MEF2C: variants seen among roughly 807,000 people sequenced by gnomAD.
MEF2C encodes myocyte-specific enhancer factor 2C.
A neutral mutation model predicts 50.5 loss-of-function variants in MEF2C; 6 were observed. That is an observed-to-expected ratio of 0.12 (90% CI 0.07 to 0.23). The LOEUF (loss-of-function observed/expected upper bound fraction) is 0.23. Among genes scored for constraint, MEF2C ranks in the 10% least tolerant of loss-of-function variants. MEF2C has a pLI of 1.00. For synonymous variants in MEF2C, 183 were observed against 228.0 expected (o/e 0.80, Z 1.78); for missense variants, 276 against 605.0 (o/e 0.46, Z 5.70).
chr5:88,892,132 C>T (rs1032979009), intron 1 of MEF2C: 1 of 152,098 alleles, frequency 6.6e-6, no homozygotes, highest in Non-Finnish European at 1.5e-5. Context: ...TCCCTAAAAT[C>T]CAGTATCCTT....
At position 88,854,358 on chromosome 5, in the gene MEF2C, G is replaced by A. The variant is rs140296785; in HGVS notation, c.-143+28597C>T. Among the ~76,000 whole-genome samples the A allele has an allele frequency of 4.4e-3, 667 of 152,188 alleles. 7 individuals are homozygous for A. The highest frequency in any genetic ancestry group is 0.015 in the African/African-American group (633 of 41,522). On this transcript the variant is annotated intron_variant, in intron 1 of 10. Transcript: ENST00000504921. ...TCAGGAAGTATATCCTGAATAGAAAGGTGAATAAAACTTAACCTCTGCACA... is the reference window on the plus strand; with the variant it reads ...TCAGGAAGTATATCCTGAATAGAAAAGTGAATAAAACTTAACCTCTGCACA...
At chr5:88,771,196 A>G (rs1209840087) in intron 3 of MEF2C, among the ~76,000 whole-genome samples, 72 of 152,344 alleles carry the variant, frequency 4.7e-4, no homozygotes, top group Non-Finnish European at 3.1e-4. Flanking sequence ...GGGGACTGTA[A>G]CAATTCAAGG....
intron 1 of MEF2C, among the ~76,000 whole-genome samples, chr5:88,865,564 G>T (rs945688819): frequency 4.6e-5 from 7 of 152,112 alleles, no homozygotes; most frequent in African/African-American, 1.7e-4. Flanking sequence ...ATTATTTCCT[G>T]CATATTTACA....
intron 3 of MEF2C, chr5:88,772,907 G>T (rs1783033795): frequency 2.0e-6 from 2 of 985,322 alleles, no homozygotes; most frequent in Non-Finnish European, 2.4e-6. Flanking sequence ...CTAATTGAGG[G>T]TTTTGCCTGA....
chr5:88,898,080 A>C (rs1835296146), intron 1 of MEF2C, among the ~76,000 whole-genome samples: 1 of 152,132 alleles, frequency 6.6e-6, no homozygotes, highest in Non-Finnish European at 1.5e-5. Flanking sequence ...CTCTAATGCC[A>C]TAATTTTTTT....
At chr5:88,813,293 A>C (rs1803690960) in intron 2 of MEF2C, among the ~76,000 whole-genome samples, 1 of 152,176 alleles carries the variant, frequency 6.6e-6, no homozygotes, top group South Asian at 2.1e-4. Flanking sequence ...AGAATAAAAA[A>C]AGGTGGCCCT....
intron 6 of MEF2C, chr5:88,737,746 T>C (rs972359804): frequency 1.3e-5 from 13 of 985,240 alleles, no homozygotes; most frequent in Non-Finnish European, 3.6e-6. Flanking sequence ...GATGAAACAA[T>C]GGATCTTGAA....
intron 2 of MEF2C, among the ~76,000 whole-genome samples, chr5:88,813,099 A>C (rs1803582634): frequency 6.6e-6 from 1 of 152,174 alleles, no homozygotes; most frequent in South Asian, 2.1e-4. Flanking sequence ...AATCAAAGCT[A>C]CTTTTGTATA....
chr5:88,764,386 C>T (rs1177637941), intron 3 of MEF2C, among the ~76,000 whole-genome samples: 2 of 152,198 alleles, frequency 1.3e-5, no homozygotes, highest in African/African-American at 2.4e-5. Flanking sequence ...GTATTTGCCT[C>T]CTGCCTGGAG....
intron 3 of MEF2C, among the ~76,000 whole-genome samples, chr5:88,779,553 C>T (rs572793663): frequency 2.0e-5 from 3 of 151,946 alleles, no homozygotes; most frequent in Non-Finnish European, 2.9e-5. Flanking sequence ...AACTGCCAGT[C>T]TCACATTAAC....
At chr5:88,901,638 A>C (rs1835661188) in intron 1 of MEF2C, among the ~76,000 whole-genome samples, 1 of 151,938 alleles carries the variant, frequency 6.6e-6, no homozygotes, top group Non-Finnish European at 1.5e-5. Flanking sequence ...AAATATTTAG[A>C]GCAGGTGTAA....
intron 4 of MEF2C, among the ~76,000 whole-genome samples, chr5:88,755,657 T>G (rs933466999): frequency 1.3e-5 from 2 of 152,236 alleles, no homozygotes; most frequent in Non-Finnish European, 2.9e-5. Flanking sequence ...TAAAGCCATC[T>G]CTGGGCTACA....
intron 6 of MEF2C, chr5:88,747,917 G>T: frequency 2.8e-6 from 1 of 352,306 alleles, no homozygotes; most frequent in Non-Finnish European, 4.0e-6. Flanking sequence ...AGTATTTTTT[G>T]AGGGAAAAAA....
rs928490642 is a variant in MEF2C at position 88,883,003 on chromosome 5, A to G, written c.-191T>C. 1.3e-5 allele frequency: 2 copies of G among 150,534 alleles called. No homozygotes were observed. Among genetic ancestry groups the G allele is most frequent in the Non-Finnish European group, 3.0e-5 (2 of 67,408 alleles). The allele number at this position is 150,534 out of a possible 1,614,324, so 9.3% of individuals were successfully genotyped here. A position where few individuals can be genotyped will look rare whatever the true frequency, so the allele number is the denominator to read the frequency against. On this transcript the variant is annotated 5_prime_UTR_variant, in exon 1 of 11. Transcript: ENST00000504921. ...AGTCCTTGGGATATTTTCCTTTCTT[A>G]AGAGAGAGAGAGAGAGAAAAAAAAA... is the stretch of plus-strand genomic sequence containing the variant.
At chr5:88,753,699 CATT>C (rs1773921428) in intron 4 of MEF2C, among the ~76,000 whole-genome samples, 1 of 152,054 alleles carries the variant, frequency 6.6e-6, no homozygotes, top group Admixed American at 6.6e-5. Context: ...CCCAATCTGT[CATT>C]GTTTTAGAGG....
At chr5:88,738,025 A>T in intron 6 of MEF2C, 1 of 985,326 alleles carries the variant, frequency 1.0e-6, no homozygotes, top group Non-Finnish European at 1.2e-6. Flanking sequence ...ATACATGAGA[A>T]ATGATGTCTG....
intron 1 of MEF2C, among the ~76,000 whole-genome samples, chr5:88,860,849 G>A (rs889956207): frequency 6.6e-6 from 1 of 152,140 alleles, no homozygotes; most frequent in Non-Finnish European, 1.5e-5. Flanking sequence ...CTTTCTTAAG[G>A]AAATTTAGAG....
chr5:88,786,440 C>T (rs1176780599), intron 3 of MEF2C, among the ~76,000 whole-genome samples: 3 of 151,632 alleles, frequency 2.0e-5, no homozygotes, highest in African/African-American at 7.3e-5. Context: ...CCAGATGTAT[C>T]ATGTTTTAGA....
chr5:88,854,050 A>C (rs1230090443), intron 1 of MEF2C, among the ~76,000 whole-genome samples: 3 of 152,216 alleles, frequency 2.0e-5, no homozygotes, highest in South Asian at 2.1e-4. Context: ...AAAGAGGTGG[A>C]AGCATTCTTT....
Sources: allele counts gnomAD v4.1 joint callset (sites outside exome capture counted in the v4.1 genomes callset), GRCh38; gene constraint gnomAD v4.1.1; transcripts MANE v1.5; gene names NCBI Gene and HGNC (gene_info 2026-07-23, HGNC 2026-07-21).